The following ANKRD11 variants were observed in gnomAD, a reference collection of about 807,000 sequenced individuals.
ANKRD11 encodes the protein ankyrin repeat domain-containing protein 11.
Under a neutral mutation model 195.7 loss-of-function variants are expected in ANKRD11, and 17 were observed. The ratio of observed to expected loss-of-function variants is 0.09; its 90% CI spans 0.06 to 0.13. The LOEUF (loss-of-function observed/expected upper bound fraction) is 0.13. Among genes scored for constraint, ANKRD11 ranks in the 10% least tolerant of loss-of-function variants. The pLI is 1.00. For synonymous variants in ANKRD11, 1,953 were observed against 1,528.1 expected (o/e 1.28, Z -6.49); for missense variants, 3,735 against 3,566.1 (o/e 1.05, Z -1.21).
chr16:89,462,876 C>T (rs894590047), intron 1 of ANKRD11, among the ~76,000 whole-genome samples: 5 of 151,960 alleles, frequency 3.3e-5, no homozygotes, highest in Non-Finnish European at 7.4e-5. Flanking sequence ...CGCCCAGCAG[C>T]CGCCCCATCC....
At position 89,283,652 on chromosome 16, in the gene ANKRD11, C is replaced by T. The variant is rs375695945; in HGVS notation, c.2890G>A (p.Gly964Ser). 53 of 1,611,326 alleles carry T rather than the reference C, an allele frequency of 3.3e-5. No homozygotes were observed. Among genetic ancestry groups the T allele is most frequent in the Middle Eastern group, 1.6e-4 (1 of 6,084 alleles). Reference protein sequence around the residue: ...ALESCKERRDGRAKPEEAHRE... With the variant: ...ALESCKERRDSRAKPEEAHRE... Reference sequence around the variant, plus strand: ...TGCGCCTCCTCGGGCTTGGCCCTGCCGTCCCTGCGCTCCTTGCAGCTCTCC... The same window carrying T: ...TGCGCCTCCTCGGGCTTGGCCCTGCTGTCCCTGCGCTCCTTGCAGCTCTCC... Residue 964 changes from glycine (G) to serine (S), a missense_variant, in exon 9 of 13, where the codon GGC becomes AGC. Physicochemically the swap from Gly to Ser is moderately conservative, Grantham distance 56. Coordinates refer to ENST00000301030, the MANE Select transcript of ANKRD11 (RefSeq NM_013275.6). This position sits in a 1 kb window ranked among gnomAD's most constrained non-coding sequence, Gnocchi z 4.3.
At chr16:89,336,255 C>G (rs1390711658) in intron 2 of ANKRD11, among the ~76,000 whole-genome samples, 4 of 152,212 alleles carry the variant, frequency 2.6e-5, no homozygotes, top group Non-Finnish European at 5.9e-5. Flanking sequence ...CAGAGCTGGA[C>G]CTGGTGCCTG....
At chr16:89,453,834 G>C (rs1461300778) in intron 1 of ANKRD11, among the ~76,000 whole-genome samples, 1 of 152,148 alleles carries the variant, frequency 6.6e-6, no homozygotes, top group South Asian at 2.1e-4. Flanking sequence ...GTGAATTCGA[G>C]GCAGGACTCT....
intron 1 of ANKRD11, among the ~76,000 whole-genome samples, chr16:89,461,849 C>T (rs2056681059): frequency 6.6e-6 from 1 of 152,192 alleles, no homozygotes; most frequent in African/African-American, 2.4e-5. Context: ...GCCTGTCTCA[C>T]AGCAGCTCAG....
At chr16:89,434,988 C>A (rs2043152290) in intron 1 of ANKRD11, among the ~76,000 whole-genome samples, 1 of 152,180 alleles carries the variant, frequency 6.6e-6, no homozygotes, top group Non-Finnish European at 1.5e-5. Flanking sequence ...GAGCCCAAGA[C>A]CAACTGATAC....
intron 2 of ANKRD11, among the ~76,000 whole-genome samples, chr16:89,355,369 C>T (rs1399966609): frequency 1.3e-5 from 2 of 152,144 alleles, no homozygotes; most frequent in African/African-American, 4.8e-5. Flanking sequence ...AAACGGAGGA[C>T]GATGGCAGAA....
chr16:89,435,592 C>A (rs150428007), intron 1 of ANKRD11, among the ~76,000 whole-genome samples: 6 of 152,118 alleles, frequency 3.9e-5, no homozygotes, highest in African/African-American at 1.4e-4. Flanking sequence ...TCCGGACACA[C>A]CATCTTTAAG....
chr16:89,336,692 G>A (rs762530128), intron 2 of ANKRD11, among the ~76,000 whole-genome samples: 13 of 152,156 alleles, frequency 8.5e-5, no homozygotes, highest in African/African-American at 2.9e-4. Flanking sequence ...TAGGAGACCC[G>A]GCCTGTCCTA....
chr16:89,326,886 T>C (rs997077046), intron 2 of ANKRD11, among the ~76,000 whole-genome samples: 8 of 152,180 alleles, frequency 5.3e-5, no homozygotes, highest in South Asian at 4.1e-4. Context: ...TCCGGGCACA[T>C]CTGCACGTGG....
intron 9 of ANKRD11, among the ~76,000 whole-genome samples, chr16:89,276,044 G>A (rs2033624594): frequency 2.6e-5 from 4 of 152,218 alleles, no homozygotes; most frequent in African/African-American, 7.2e-5. Context: ...GGACCCACAC[G>A]GTAATGGCAA....
chr16:89,302,473 G>A (rs1169290465), intron 4 of ANKRD11, among the ~76,000 whole-genome samples: 1 of 152,078 alleles, frequency 6.6e-6, no homozygotes, highest in Non-Finnish European at 1.5e-5. Context: ...GGCTGGTCTC[G>A]AACTCCTGAC....
At chr16:89,386,208 C>T (rs1281073750) in intron 2 of ANKRD11, among the ~76,000 whole-genome samples, 1 of 152,128 alleles carries the variant, frequency 6.6e-6, no homozygotes, top group East Asian at 1.9e-4. Context: ...AAATGGAAAT[C>T]CACACTACAA....
chr16:89,270,664 C>T (rs1026405690), intron 12 of ANKRD11, 153 bp downstream of exon 12: 13 of 775,288 alleles, frequency 1.7e-5, no homozygotes, highest in Admixed American at 1.6e-4. Context: ...CCGAAAGCAT[C>T]GGCCAGATTA....
At chr16:89,479,290 A>C (rs2057361394) in intron 1 of ANKRD11, among the ~76,000 whole-genome samples, 1 of 152,010 alleles carries the variant, frequency 6.6e-6, no homozygotes, top group Non-Finnish European at 1.5e-5. Context: ...AAAAAACACT[A>C]ATTACAAGGA....
In ANKRD11 at chr16:89,284,842, T is replaced by C. The variant is rs1390188321; in HGVS notation, c.1700A>G (p.Asp567Gly). The C allele has an allele frequency of 5.6e-6, 9 of 1,613,716 alleles. No individual in the cohort carries two copies. The highest frequency in any genetic ancestry group is 7.6e-6 in the Non-Finnish European group (9 of 1,179,982). ...PAWSEVSSLS[D>G]STRTRLTSES... ...GCTTGTCAGTCTCGTCCTTGTGGAG[T>C]CTGATAAAGAACTGACCTCTGACCA... Residue 567 changes from aspartate to glycine, a missense_variant, in exon 9 of 13, where the codon GAC (aspartate) becomes GGC (glycine). Transcript: ENST00000301030.
chr16:89,464,801 A>C (rs985768219), intron 1 of ANKRD11, among the ~76,000 whole-genome samples: 1 of 152,184 alleles, frequency 6.6e-6, no homozygotes, highest in Non-Finnish European at 1.5e-5. Flanking sequence ...AGAAGGAAGA[A>C]GCCGCAGAGA....
At chr16:89,288,499 G>A (rs748871121) in intron 7 of ANKRD11, 29 bp downstream of exon 7, 10 of 1,613,850 alleles carry the variant, frequency 6.2e-6, no homozygotes, top group East Asian at 4.5e-5. Flanking sequence ...AGGACAGGCC[G>A]GATGTGTGAA....
chr16:89,376,888 T>C (rs1306192568), intron 2 of ANKRD11, among the ~76,000 whole-genome samples: 1 of 152,204 alleles, frequency 6.6e-6, no homozygotes, highest in Admixed American at 6.5e-5. Context: ...GCAAATGCAG[T>C]AGGGTTTATG....
intron 4 of ANKRD11, among the ~76,000 whole-genome samples, chr16:89,303,024 C>T (rs2035951780): frequency 1.3e-5 from 2 of 152,164 alleles, no homozygotes; most frequent in South Asian, 4.1e-4. Context: ...ACAACAGGGC[C>T]CTGGGTGAGA....
Sources: gnomAD v4.1 joint callset for allele counts (sites outside exome capture counted in the v4.1 genomes callset) on GRCh38, gnomAD v4.1.1 for gene constraint, Gnocchi (gnomAD v3.1) non-coding constraint, MANE v1.5 for transcripts, NCBI Gene and HGNC (gene_info 2026-07-23, HGNC 2026-07-21) for gene names.